The following CNOT10 variants were observed in gnomAD, a reference collection of about 807,000 sequenced individuals.
The protein encoded by CNOT10 is CCR4-NOT transcription complex, subunit 10.
CNOT10 carries 30 observed loss-of-function variants against 94.6 expected under a neutral mutation model. That is an observed-to-expected ratio of 0.32 (90% CI 0.24 to 0.43). The LOEUF (loss-of-function observed/expected upper bound fraction) is 0.43, where lower values mean the gene tolerates loss of function less well. Among genes scored for constraint, CNOT10 ranks in the 20% least tolerant of loss-of-function variants. CNOT10 has a pLI of 1.00. For synonymous variants in CNOT10, 289 were observed against 301.6 expected (o/e 0.96, Z 0.43); for missense variants, 759 against 877.2 (o/e 0.87, Z 1.70).
At chr3:32,762,956 A>AT (rs778197902) in intron 15 of CNOT10, 93 bp downstream of exon 15, 2 of 1,367,494 alleles carry the variant, frequency 1.5e-6, no homozygotes, top group Non-Finnish European at 1.9e-6. Context: ...CATGGTGGTA[A>AT]TGAGAAGAAA....
At chr3:32,761,866 G>A (rs1344546929) in intron 14 of CNOT10, among the ~76,000 whole-genome samples, 10 of 149,576 alleles carry the variant, frequency 6.7e-5, no homozygotes, top group East Asian at 4.0e-4. Context: ...TCCATCTCCC[G>A]GGTTCAAGCG....
chr3:32,735,552 C>G (rs1457482634), intron 12 of CNOT10, among the ~76,000 whole-genome samples: 1 of 151,850 alleles, frequency 6.6e-6, no homozygotes, highest in East Asian at 1.9e-4. Context: ...ACTAAAAATA[C>G]AAAAATTAGC....
At chr3:32,719,968 GAA>G (rs1698297414) in intron 7 of CNOT10, 144 bp from the exon 8 acceptor site, 8 of 431,534 alleles carry the variant, frequency 1.9e-5, no homozygotes. Flanking sequence ...TGAGAGCAAT[GAA>G]AAATTTAGAG....
intron 10 of CNOT10, among the ~76,000 whole-genome samples, chr3:32,728,564 G>T (rs528986464): frequency 6.6e-6 from 1 of 151,990 alleles, no homozygotes; most frequent in African/African-American, 2.4e-5. Context: ...AGTGAGACCA[G>T]ATAGAGCCAC....
chr3:32,756,416 T>C (rs1700226575), intron 13 of CNOT10, among the ~76,000 whole-genome samples: 1 of 152,182 alleles, frequency 6.6e-6, no homozygotes, highest in Non-Finnish European at 1.5e-5. Context: ...CTGCAAATCT[T>C]ACATGACTGA....
chr3:32,728,838 C>A (rs996694754), intron 10 of CNOT10, among the ~76,000 whole-genome samples: 2 of 151,934 alleles, frequency 1.3e-5, no homozygotes, highest in African/African-American at 2.4e-5. Flanking sequence ...GCGGTGGTCA[C>A]GCCTGTAATC....
chr3:32,696,739 G>A (rs1013602774), intron 1 of CNOT10, among the ~76,000 whole-genome samples: 6 of 150,538 alleles, frequency 4.0e-5, no homozygotes, highest in East Asian at 2.0e-4. Flanking sequence ...GCAGGACTAC[G>A]GGCATGTGCC....
At chr3:32,685,949 TC>T (rs1475946712) in intron 1 of CNOT10, among the ~76,000 whole-genome samples, 1 of 152,130 alleles carries the variant, frequency 6.6e-6, no homozygotes, top group Admixed American at 6.6e-5. Flanking sequence ...CTTTTTTTTT[TC>T]TTGATAGAGA....
At chr3:32,707,745 C>T (rs1237786051) in intron 3 of CNOT10, among the ~76,000 whole-genome samples, 2 of 151,876 alleles carry the variant, frequency 1.3e-5, no homozygotes, top group African/African-American at 4.8e-5. Flanking sequence ...GGAGGTTACA[C>T]TGAGCTGAGT....
chr3:32,708,565 G>C, intron 3 of CNOT10, 105 bp from the exon 4 acceptor site: 2 of 926,504 alleles, frequency 2.2e-6, no homozygotes, highest in East Asian at 2.6e-5. Context: ...GAAAAATTCA[G>C]AATAAGAATG....
At chr3:32,741,274 A>G (rs1160316804) in intron 13 of CNOT10, among the ~76,000 whole-genome samples, 3 of 152,092 alleles carry the variant, frequency 2.0e-5, no homozygotes, top group African/African-American at 7.2e-5. Flanking sequence ...ATTGGTGAGT[A>G]TTATTCCATG....
At chr3:32,737,515 T>C in intron 13 of CNOT10, 25 bp downstream of exon 13, 1 of 1,410,212 alleles carries the variant, frequency 7.1e-7, no homozygotes, top group Non-Finnish European at 1.0e-6. Flanking sequence ...AAAATTAGCA[T>C]TGCATCTATT....
chr3:32,685,527 G>A (rs1182561775), intron 1 of CNOT10, 45 bp downstream of exon 1: 1 of 1,548,564 alleles, frequency 6.5e-7, no homozygotes, highest in Non-Finnish European at 8.7e-7. Flanking sequence ...GGACGTGCGG[G>A]GCCGGGCGGA....
chr3:32,696,043 T>C lies in CNOT10; in HGVS notation c.23-7825T>C, dbSNP rs1187707318. On this transcript the variant is annotated intron_variant, in intron 1 of 18. Coordinates refer to ENST00000328834, the MANE Select transcript of CNOT10 (RefSeq NM_015442.3). Reference sequence around the variant, plus strand: ...TTTGAAATGGGGTCTTGGCCGGGCGTGGTGACTCATGCTGGTAATCCCAGC... The same window carrying C: ...TTTGAAATGGGGTCTTGGCCGGGCGCGGTGACTCATGCTGGTAATCCCAGC... Among the ~76,000 whole-genome samples, 8 of 145,896 alleles carry C rather than the reference T, an allele frequency of 5.5e-5. No individual in the cohort carries two copies. In the South Asian group the frequency reaches 1.1e-3, roughly 20 times the overall value.
At chr3:32,725,034 C>G (rs1039225525) in intron 8 of CNOT10, among the ~76,000 whole-genome samples, 3 of 152,024 alleles carry the variant, frequency 2.0e-5, no homozygotes, top group Admixed American at 6.6e-5. Context: ...TATCATTTGT[C>G]TACAGTTACT....
Position 32,735,969 on chromosome 3 carries a change from T to C in CNOT10, c.1514+993T>C, listed in dbSNP as rs929117378. On this transcript the variant is annotated intron_variant, in intron 12 of 18. Coordinates refer to ENST00000328834, the MANE Select transcript of CNOT10 (RefSeq NM_015442.3). ...ATTAAAAATAAGTAAATAAAAATTA[T>C]GTGACTATAGAAATTGGGAGAACTT... Among the ~76,000 whole-genome samples, 6 of 152,282 alleles carry C rather than the reference T, an allele frequency of 3.9e-5. No homozygotes were observed. In the East Asian group the frequency reaches 1.2e-3, roughly 29 times the overall value.
chr3:32,766,869 A>G lies in CNOT10; in HGVS notation c.2004+2060A>G, dbSNP rs981087657. On this transcript the variant is annotated intron_variant, in intron 17 of 18. Transcript: ENST00000328834. ...CATTGAGCCATACCTGTAGTAGGGG[A>G]CTGGGTACCACCATTGGCAGCCCCA... Among the ~76,000 whole-genome samples, 3 of 152,144 alleles carry G rather than the reference A, an allele frequency of 2.0e-5. No individual in the cohort carries two copies. In the East Asian group the frequency reaches 5.8e-4, roughly 29 times the overall value.
chr3:32,734,443 C>T (rs562601648), intron 11 of CNOT10, among the ~76,000 whole-genome samples: 142 of 152,268 alleles, frequency 9.3e-4, no homozygotes, highest in Non-Finnish European at 1.6e-3. Context: ...TCTTCCCTTT[C>T]GTCCCATTCT....
chr3:32,754,671 G>A (rs1240578631), intron 13 of CNOT10, among the ~76,000 whole-genome samples: 7 of 145,612 alleles, frequency 4.8e-5, no homozygotes, highest in Non-Finnish European at 9.0e-5. Context: ...AGGGGCATGC[G>A]CTACCACGCC....
Sources: gnomAD v4.1 joint callset for allele counts (sites outside exome capture counted in the v4.1 genomes callset) on GRCh38, gnomAD v4.1.1 for gene constraint, MANE v1.5 for transcripts, NCBI Gene and HGNC (gene_info 2026-07-23, HGNC 2026-07-21) for gene names.